Variants in PCDHGB3 observed in about 807,000 individuals in gnomAD.
The protein encoded by PCDHGB3 is protocadherin gamma-B3.
A neutral mutation model predicts 59.2 loss-of-function variants in PCDHGB3; 40 were observed. That is an observed-to-expected ratio of 0.68 (90% CI 0.52 to 0.88). PCDHGB3 has a LOEUF of 0.88. Ranked by LOEUF, PCDHGB3 falls within the 40% of genes least tolerant of loss-of-function variation. PCDHGB3 has a pLI of 0.00. For synonymous variants in PCDHGB3, 581 were observed against 503.6 expected, an observed-to-expected ratio of 1.15 and a Z score of -2.06; for missense variants, 1,309 against 1,187.9, an observed-to-expected ratio of 1.10 and a Z score of -1.50.
intron 1 of PCDHGB3, chr5:141,413,569 G>A: frequency 1.2e-6 from 2 of 1,613,846 alleles, no homozygotes; most frequent in Non-Finnish European, 1.7e-6. Context: ...TGATATCAAT[G>A]ACAATGCTCC....
chr5:141,410,184 A>AT, intron 1 of PCDHGB3: 1 of 1,613,918 alleles, frequency 6.2e-7, no homozygotes, highest in Non-Finnish European at 8.5e-7. Context: ...GCCACGCTTC[A>AT]TCTGGTCTTC....
intron 1 of PCDHGB3, among the ~76,000 whole-genome samples, chr5:141,472,113 A>G (rs1296591849): frequency 1.3e-5 from 2 of 152,260 alleles, no homozygotes; most frequent in East Asian, 3.8e-4. Flanking sequence ...ATACATAAAG[A>G]AAATAAAAGA....
chr5:141,423,237 C>T (rs761825236), intron 1 of PCDHGB3: 74 of 1,613,798 alleles, frequency 4.6e-5, no homozygotes, highest in Middle Eastern at 3.3e-4. Flanking sequence ...ACAGCATCCC[C>T]GAAGTCCTGG....
At chr5:141,416,928 A>G (rs1297487387) in intron 1 of PCDHGB3, 4 of 152,170 alleles carry the variant, frequency 2.6e-5, no homozygotes, top group Non-Finnish European at 2.9e-5. Flanking sequence ...ATAGTTATTA[A>G]CTATTAAACC....
At chr5:141,425,296 T>A (rs1283179158) in intron 1 of PCDHGB3, among the ~76,000 whole-genome samples, 1 of 152,194 alleles carries the variant, frequency 6.6e-6, no homozygotes, top group Non-Finnish European at 1.5e-5. Flanking sequence ...TAAAACCTCA[T>A]CTAAACTAAC....
rs773944794 is a variant in PCDHGB3 at position 141,477,003 on chromosome 5, C to T, written c.2416-17804C>T. 1.2e-6 allele frequency: 2 copies of T among 1,614,214 alleles called. No homozygotes were observed. The highest frequency in any genetic ancestry group is 8.5e-7 in the Non-Finnish European group (1 of 1,180,040). On this transcript the variant is annotated intron_variant, in intron 1 of 3. Transcript: ENST00000576222. This position sits in a 1 kb window ranked among gnomAD's most constrained non-coding sequence, Gnocchi z 4.9. ...CGCGCCGGCGTGCGGCAACTATTCG[C>T]CTTAGACCTTGTAACCGGGATGCTG...
At chr5:141,423,841 T>A (rs1413277726) in intron 1 of PCDHGB3, 15 of 1,282,014 alleles carry the variant, frequency 1.2e-5, no homozygotes, top group Non-Finnish European at 1.4e-5. Context: ...ATTACGATAA[T>A]CTTTCAGAAC....
At position 141,476,209 on chromosome 5, in the gene PCDHGB3, G is replaced by A. The variant is rs749576231; in HGVS notation, c.2416-18598G>A. ...TTGGTGCCTTGAACAAGGCTTCCAC[G>A]GTCATTCACTATGAGATCCCGGAGG... On this transcript the variant is annotated intron_variant, in intron 1 of 3. Coordinates refer to ENST00000576222, the MANE Select transcript of PCDHGB3 (RefSeq NM_018924.5). The surrounding 1 kb of genome is among the most constrained non-coding windows in gnomAD (Gnocchi z 7.6). The A allele has an allele frequency of 3.1e-6, 5 of 1,613,974 alleles. No individual in the cohort carries two copies. Among genetic ancestry groups the A allele is most frequent in the Admixed American group, 1.7e-5 (1 of 60,014 alleles).
chr5:141,397,846 A>G (rs1032127108), intron 1 of PCDHGB3: 3 of 528,344 alleles, frequency 5.7e-6, no homozygotes, highest in Non-Finnish European at 9.9e-6. Flanking sequence ...GAAGCCGCAG[A>G]GGCTGTAGTT....
intron 1 of PCDHGB3, chr5:141,382,982 C>A (rs1778673770): frequency 6.2e-7 from 1 of 1,612,206 alleles, no homozygotes; most frequent in Non-Finnish European, 8.5e-7. Flanking sequence ...GAAGCCTGGG[C>A]AGGACGTATT....
At chr5:141,482,602 C>T (rs2099569087) in intron 1 of PCDHGB3, among the ~76,000 whole-genome samples, 1 of 142,506 alleles carries the variant, frequency 7.0e-6, no homozygotes, top group Non-Finnish European at 1.5e-5. Flanking sequence ...CGGGAAAAAA[C>T]ACCTAAATGA....
At chr5:141,409,047 G>T in intron 1 of PCDHGB3, 2 of 1,613,982 alleles carry the variant, frequency 1.2e-6, no homozygotes, top group Admixed American at 1.7e-5. Flanking sequence ...TACTACTTCC[G>T]AAGCACTGCC....
Position 141,432,826 on chromosome 5 carries a change from CACTCTGTACCT to C in PCDHGB3, c.2415+60018_2415+60028del, listed in dbSNP as rs1251102522. 6.2e-7 allele frequency: 1 copy of C among 1,614,096 alleles called. No homozygotes were observed. Among genetic ancestry groups the C allele is most frequent in the Non-Finnish European group, 8.5e-7 (1 of 1,180,020 alleles). On this transcript the variant is annotated intron_variant, in intron 1 of 3. Coordinates refer to ENST00000576222, the MANE Select transcript of PCDHGB3 (RefSeq NM_018924.5). This position sits in a 1 kb window ranked among gnomAD's most constrained non-coding sequence, Gnocchi z 6.0. Reference sequence around the variant, plus strand: ...CAGCTAACTCTGAAACCTCAGACCTCACTCTGTACCTGGTGGTAGCGGTGGCCGCGGTCTCC... The same window carrying C: ...CAGCTAACTCTGAAACCTCAGACCTCGGTGGTAGCGGTGGCCGCGGTCTCC...
chr5:141,478,336 C>T, intron 1 of PCDHGB3: 2 of 1,613,950 alleles, frequency 1.2e-6, no homozygotes, highest in South Asian at 2.2e-5. Context: ...CACCAGGGCC[C>T]TCCTTGCACG....
rs755462760 is a variant in PCDHGB3, at chr5:141,393,015, T to A, written c.2415+20206T>A. On this transcript the variant is annotated intron_variant, in intron 1 of 3. Coordinates refer to ENST00000576222, the MANE Select transcript of PCDHGB3 (RefSeq NM_018924.5). ...GGCGAAGCACGGAGTCCGTATCGTC[T>A]CCAGAGGTAGGACGCAGCTCTTTGC... The A allele has an allele frequency of 1.6e-5, 26 of 1,613,696 alleles. No individual in the cohort carries two copies. The highest frequency in any genetic ancestry group is 1.9e-5 in the Non-Finnish European group (22 of 1,179,874).
At chr5:141,457,820 C>CTCAG (rs2098930320) in intron 1 of PCDHGB3, among the ~76,000 whole-genome samples, 1 of 152,198 alleles carries the variant, frequency 6.6e-6, no homozygotes, top group African/African-American at 2.4e-5. Flanking sequence ...CCAAGATAAA[C>CTCAG]TCAGAGCTTC....
In PCDHGB3 at chr5:141,372,836, A is replaced by G. The variant is rs755204859; in HGVS notation, c.2415+27A>G. 4 of 1,532,454 alleles carry G rather than the reference A, an allele frequency of 2.6e-6. No homozygotes were observed. In the East Asian group the frequency reaches 6.9e-5, roughly 27 times the overall value. The allele number at this position is 1,532,454 out of a possible 1,614,324, so 94.9% of individuals were successfully genotyped here. On this transcript the variant is annotated intron_variant, in intron 1 of 3. Coordinates refer to ENST00000576222, the MANE Select transcript of PCDHGB3 (RefSeq NM_018924.5). ...TGAGTTTCTTCAAACCTTTCCTTCC[A>G]TAAATATAATTGGGTTTCAATTCAT... is the stretch of plus-strand genomic sequence containing the variant.
At chr5:141,405,047 G>T (rs754907464) in intron 1 of PCDHGB3, 1 of 1,613,944 alleles carries the variant, frequency 6.2e-7, no homozygotes, top group Non-Finnish European at 8.5e-7. Flanking sequence ...GGCTGTGGCA[G>T]TCGTCTCCTG....
chr5:141,422,422 T>TA, intron 1 of PCDHGB3: 1 of 1,607,804 alleles, frequency 6.2e-7, no homozygotes, highest in Non-Finnish European at 8.5e-7. Flanking sequence ...AGAAAAGACT[T>TA]ATGGAAATTA....
Sources: allele counts gnomAD v4.1 joint callset (sites outside exome capture counted in the v4.1 genomes callset), GRCh38; gene constraint gnomAD v4.1.1; non-coding constraint Gnocchi (gnomAD v3.1); transcripts MANE v1.5; gene names NCBI Gene and HGNC (gene_info 2026-07-23, HGNC 2026-07-21).